VTI1A: variants seen among roughly 807,000 people sequenced by gnomAD.
VTI1A encodes the protein vesicle transport through interaction with t-SNAREs 1A.
Under a neutral mutation model 34.9 loss-of-function variants are expected in VTI1A, and 22 were observed. The ratio of observed to expected loss-of-function variants is 0.63; its 90% CI spans 0.45 to 0.90. The LOEUF (loss-of-function observed/expected upper bound fraction) is 0.90, where lower values mean the gene tolerates loss of function less well. Among genes scored for constraint, VTI1A ranks in the 40% least tolerant of loss-of-function variants. The pLI is 0.00. For missense variants in VTI1A, 268 were observed against 275.6 expected, an observed-to-expected ratio of 0.97 and a Z score of 0.20; for synonymous variants, 87 against 97.3, an observed-to-expected ratio of 0.89 and a Z score of 0.62.
the VTI1A span, among the ~76,000 whole-genome samples, chr10:112,851,117 A>C: frequency 1.3e-5 from 2 of 152,238 alleles, no homozygotes; most frequent in Admixed American, 6.5e-5. Flanking sequence ...TATAGCAGAC[A>C]CATAAAATCC....
At chr10:112,705,057 G>A (rs1431226379) in intron 7 of VTI1A, among the ~76,000 whole-genome samples, 2 of 146,958 alleles carry the variant, frequency 1.4e-5, no homozygotes, top group African/African-American at 2.7e-5. Flanking sequence ...CACCATGCCC[G>A]GCTAAGTTTT....
At chr10:112,736,928 A>G (rs12770115) in intron 7 of VTI1A, 117,910 of 636,872 alleles carry the variant, frequency 0.19, 12,078 homozygotes, top group Non-Finnish European at 0.22. Flanking sequence ...CTTGGCAAGG[A>G]TGCTATCAAA....
In VTI1A at chr10:112,447,463, G is replaced by A. The variant is rs1846904567; in HGVS notation, c.90G>A (p.Pro30=). The A allele has an allele frequency of 1.2e-6, 2 of 1,613,084 alleles. No homozygotes were observed. The highest frequency in any genetic ancestry group is 1.7e-6 in the Non-Finnish European group (2 of 1,179,836). Residue 30 remains proline (P), a synonymous_variant, in exon 1 of 8, where the codon CCG becomes CCA. Transcript: ENST00000393077. ...AGATTGCGAGGGTCCCACGACTCCC[G>A]CCTGGTGAGAGCCTTGCCCGGCTGG... The part of the protein sequence containing the change: ...TSKIARVPRL[P]PDEKKQMVAN...
intron 4 of VTI1A, among the ~76,000 whole-genome samples, chr10:112,530,422 C>T (rs1244695290): frequency 1.3e-5 from 2 of 152,096 alleles, no homozygotes; most frequent in Non-Finnish European, 2.9e-5. Context: ...TTCATGAGAA[C>T]CATTCTCATA....
chr10:112,851,762 A>G, the VTI1A span, among the ~76,000 whole-genome samples: 1 of 152,114 alleles, frequency 6.6e-6, no homozygotes, highest in Non-Finnish European at 1.5e-5. Context: ...GAACTTGAGA[A>G]CTGTAGGGAA....
intron 5 of VTI1A, among the ~76,000 whole-genome samples, chr10:112,636,376 G>T (rs1311646760): frequency 6.6e-6 from 1 of 152,098 alleles, no homozygotes; most frequent in African/African-American, 2.4e-5. Flanking sequence ...ATTTTCTCCT[G>T]CCATTGGATG....
In VTI1A at chr10:112,625,727, G is replaced by A. The variant is rs57607178; in HGVS notation, c.428-42491G>A. ...GAGGATGCAGAGGCATAAGAATGACGCAATGGACTTTGGGGACTTAGGGGG... is the reference window on the plus strand; with the variant it reads ...GAGGATGCAGAGGCATAAGAATGACACAATGGACTTTGGGGACTTAGGGGG... On this transcript the variant is annotated intron_variant, in intron 5 of 7. Transcript: ENST00000393077. Among the ~76,000 whole-genome samples, 1,178 of 151,674 alleles carry A rather than the reference G, an allele frequency of 7.8e-3. 24 individuals carry two copies. Among genetic ancestry groups the A allele is most frequent in the African/African-American group, 0.027 (1,122 of 41,272 alleles).
At chr10:112,470,246 C>CT (rs1848031592) in intron 3 of VTI1A, among the ~76,000 whole-genome samples, 1 of 152,110 alleles carries the variant, frequency 6.6e-6, no homozygotes, top group African/African-American at 2.4e-5. Flanking sequence ...AAATAATAGT[C>CT]TGCTGTTTAC....
chr10:112,850,815 A>G, the VTI1A span, among the ~76,000 whole-genome samples: 3 of 152,206 alleles, frequency 2.0e-5, no homozygotes, highest in Non-Finnish European at 4.4e-5. Flanking sequence ...TTCTTGGCAC[A>G]GGGCCCTGTG....
At chr10:112,551,032 G>A (rs760867212) in intron 5 of VTI1A, among the ~76,000 whole-genome samples, 15 of 151,924 alleles carry the variant, frequency 9.9e-5, no homozygotes, top group South Asian at 2.1e-4. Context: ...TCACGAGGTC[G>A]GGAGATGGAG....
intron 4 of VTI1A, chr10:112,533,520 C>G: frequency 2.0e-6 from 2 of 1,010,808 alleles, no homozygotes; most frequent in Non-Finnish European, 2.4e-6. Flanking sequence ...TTTGTGCATT[C>G]ATGTTGCAGT....
chr10:112,739,573 G>T (rs1024440283), intron 7 of VTI1A, among the ~76,000 whole-genome samples: 4 of 152,172 alleles, frequency 2.6e-5, no homozygotes, highest in African/African-American at 9.7e-5. Flanking sequence ...AATAACAAGC[G>T]ATGTCTTGTA....
intron 5 of VTI1A, among the ~76,000 whole-genome samples, chr10:112,626,601 A>T (rs1252992659): frequency 2.0e-5 from 3 of 152,160 alleles, no homozygotes; most frequent in African/African-American, 7.2e-5. Context: ...AAAGAAAGAA[A>T]AAAGAAATAC....
At chr10:112,682,811 T>C (rs974292694) in intron 7 of VTI1A, among the ~76,000 whole-genome samples, 3 of 152,180 alleles carry the variant, frequency 2.0e-5, no homozygotes, top group African/African-American at 7.2e-5. Context: ...TGTAGAATGG[T>C]GGGACATTTG....
At chr10:112,550,733 G>C (rs1057505768) in intron 5 of VTI1A, among the ~76,000 whole-genome samples, 2 of 152,080 alleles carry the variant, frequency 1.3e-5, no homozygotes, top group Non-Finnish European at 2.9e-5. Context: ...GCGTGAAGTC[G>C]TAGTTAAATA....
At chr10:112,667,662 A>G (rs1847691958) in intron 5 of VTI1A, among the ~76,000 whole-genome samples, 1 of 152,212 alleles carries the variant, frequency 6.6e-6, no homozygotes, top group South Asian at 2.1e-4. Flanking sequence ...ACCTACAGCC[A>G]CTGGTAACAC....
At chr10:112,692,829 A>T (rs1469853673) in intron 7 of VTI1A, among the ~76,000 whole-genome samples, 2 of 152,228 alleles carry the variant, frequency 1.3e-5, no homozygotes, top group African/African-American at 4.8e-5. Flanking sequence ...TCACAGTGGG[A>T]ACCACTGCTG....
intron 7 of VTI1A, among the ~76,000 whole-genome samples, chr10:112,726,033 G>A (rs1391723222): frequency 6.6e-6 from 1 of 152,182 alleles, no homozygotes; most frequent in Admixed American, 6.5e-5. Flanking sequence ...AAAGACTTCA[G>A]TCTAGACACC....
At chr10:112,591,889 A>T (rs944224998) in intron 5 of VTI1A, among the ~76,000 whole-genome samples, 1 of 152,224 alleles carries the variant, frequency 6.6e-6, no homozygotes, top group African/African-American at 2.4e-5. Context: ...CAGTGGGCCT[A>T]ATCCAATCAT....
Sources: allele counts gnomAD v4.1 joint callset (sites outside exome capture counted in the v4.1 genomes callset), GRCh38; gene constraint gnomAD v4.1.1; transcripts MANE v1.5; gene names NCBI Gene and HGNC (gene_info 2026-07-23, HGNC 2026-07-21).